Variants in DGKG observed in about 807,000 individuals in gnomAD.
DGKG encodes DAG kinase gamma.
Under a neutral mutation model 105.3 loss-of-function variants are expected in DGKG, and 78 were observed. That is an observed-to-expected ratio of 0.74 (90% confidence interval 0.62 to 0.89). The LOEUF is 0.89. DGKG is among the 40% of genes least tolerant of loss of function. The pLI is 0.00. For missense variants in DGKG, 958 were observed against 1,020.1 expected, an observed-to-expected ratio of 0.94 and a Z score of 0.83; for synonymous variants, 346 against 367.1, an observed-to-expected ratio of 0.94 and a Z score of 0.66.
Position 186,148,101 on chromosome 3 carries a change from G to C in DGKG, c.*1989C>G. 1.0e-6 allele frequency: 1 copy of C among 985,428 alleles called. No homozygotes were observed. Among genetic ancestry groups the C allele is most frequent in the Non-Finnish European group, 1.2e-6 (1 of 829,944 alleles). 61.0% of individuals were successfully genotyped at this position (985,428 alleles called of 1,614,324 possible). A position where few individuals can be genotyped will look rare whatever the true frequency, so the allele number is the denominator to read the frequency against. On this transcript the variant is annotated 3_prime_UTR_variant, in exon 25 of 25. Transcript: ENST00000265022. ...AGGCAGCTCAGTGGAACGATATCAA[G>C]TGGGTCCAAGTTTCCACTGATAAAT...
intron 13 of DGKG, among the ~76,000 whole-genome samples, chr3:186,267,140 G>A (rs551100563): frequency 9.2e-5 from 14 of 152,170 alleles, no homozygotes; most frequent in Non-Finnish European, 1.6e-4. Flanking sequence ...AGGAAGTAGA[G>A]GGAGATACTG....
At chr3:186,198,781 A>G (rs1230792467) in intron 21 of DGKG, among the ~76,000 whole-genome samples, 1 of 152,258 alleles carries the variant, frequency 6.6e-6, no homozygotes, top group Non-Finnish European at 1.5e-5. Flanking sequence ...GCCTATGGCC[A>G]TAATAGAGAA....
intron 9 of DGKG, among the ~76,000 whole-genome samples, chr3:186,278,500 A>G (rs781469003): frequency 3.9e-5 from 6 of 152,054 alleles, no homozygotes; most frequent in Non-Finnish European, 8.8e-5. Flanking sequence ...AAGTTCCTTC[A>G]TTTCTCTGGG....
At chr3:186,276,800 G>T (rs1342014507) in intron 9 of DGKG, among the ~76,000 whole-genome samples, 1 of 152,200 alleles carries the variant, frequency 6.6e-6, no homozygotes, top group Non-Finnish European at 1.5e-5. Flanking sequence ...TTCATGATCA[G>T]TAAAAGCTAC....
intron 3 of DGKG, among the ~76,000 whole-genome samples, chr3:186,300,723 A>T (rs1723880066): frequency 6.6e-6 from 1 of 152,264 alleles, no homozygotes; most frequent in South Asian, 2.1e-4. Flanking sequence ...ATATTTCTGG[A>T]AAGCAGACTG....
At chr3:186,153,957 T>C (rs1715899894) in intron 24 of DGKG, among the ~76,000 whole-genome samples, 1 of 151,936 alleles carries the variant, frequency 6.6e-6, no homozygotes, top group Non-Finnish European at 1.5e-5. Context: ...ATACAAAAAT[T>C]AGCTAGACGT....
intron 20 of DGKG, among the ~76,000 whole-genome samples, chr3:186,238,783 T>C (rs1720540382): frequency 6.6e-6 from 1 of 152,178 alleles, no homozygotes; most frequent in South Asian, 2.1e-4. Flanking sequence ...TCGGTTCTGG[T>C]TCTTGCTCCA....
intron 20 of DGKG, among the ~76,000 whole-genome samples, chr3:186,228,321 C>G (rs534352966): frequency 3.3e-5 from 5 of 152,290 alleles, no homozygotes; most frequent in Middle Eastern, 3.4e-3. Context: ...TGGGGATTGC[C>G]TCTTTTCTGG....
intron 11 of DGKG, among the ~76,000 whole-genome samples, chr3:186,270,477 TC>T (rs1432784419): frequency 6.6e-6 from 1 of 152,226 alleles, no homozygotes; most frequent in Admixed American, 6.5e-5. Flanking sequence ...GCTTAAGGCC[TC>T]CCCTAAGAAT....
At chr3:186,287,564 T>C (rs1270567832) in intron 6 of DGKG, among the ~76,000 whole-genome samples, 1 of 152,254 alleles carries the variant, frequency 6.6e-6, no homozygotes, top group East Asian at 1.9e-4. Context: ...TAAAAAAATC[T>C]GTCACCTTCT....
intron 21 of DGKG, among the ~76,000 whole-genome samples, chr3:186,205,158 G>C (rs796819292): frequency 2.0e-4 from 30 of 151,662 alleles, no homozygotes; most frequent in African/African-American, 5.8e-4. Flanking sequence ...TTGGGAGACT[G>C]AGGCGGGAGA....
chr3:186,275,680 G>T lies in DGKG; in HGVS notation c.793-16C>A. 1 of 1,602,684 alleles carries T rather than the reference G, an allele frequency of 6.2e-7. No homozygotes were observed. The highest frequency in any genetic ancestry group is 8.5e-7 in the Non-Finnish European group (1 of 1,171,520). ...CCTTGGAGCCCTGCAGGGGTAATAG[G>T]AGGTGAGACCCCAAGCTGGCTGCCC... On this transcript the variant is annotated splice_polypyrimidine_tract_variant and intron_variant, in intron 9 of 24. Coordinates refer to ENST00000265022, the MANE Select transcript of DGKG (RefSeq NM_001346.3).
At chr3:186,217,606 T>C (rs760986277) in intron 20 of DGKG, among the ~76,000 whole-genome samples, 16 of 152,202 alleles carry the variant, frequency 1.1e-4, no homozygotes, top group Non-Finnish European at 1.9e-4. Flanking sequence ...TGAGACTAAC[T>C]AAAAATGTTC....
chr3:186,165,073 A>G lies in DGKG; in HGVS notation c.2096-55T>C, dbSNP rs6794774. The G allele has an allele frequency of 0.02, 31,733 of 1,556,450 alleles. 2,185 individuals carry two copies. In the African/African-American group the frequency reaches 0.23, roughly 11 times the overall value. On this transcript the variant is annotated intron_variant, in intron 22 of 24. Coordinates refer to ENST00000265022, the MANE Select transcript of DGKG (RefSeq NM_001346.3). ...TACACATCTCTGTGTTCCTCAGACA[A>G]GTTCTGGCCAGAAAGTCTGGTCCCC...
At chr3:186,184,639 A>G (rs866080886) in intron 22 of DGKG, among the ~76,000 whole-genome samples, 7 of 152,118 alleles carry the variant, frequency 4.6e-5, no homozygotes, top group Non-Finnish European at 8.8e-5. Context: ...ACCTCAAGTG[A>G]TTCGCCTGCC....
chr3:186,261,928 G>C, intron 14 of DGKG, 150 bp from the exon 15 acceptor site: 1 of 576,736 alleles, frequency 1.7e-6, no homozygotes, highest in Non-Finnish European at 3.1e-6. Context: ...TTTTCGGAGG[G>C]GCTAAGTAGC....
chr3:186,260,105 C>G (rs1721690196), intron 16 of DGKG, among the ~76,000 whole-genome samples: 1 of 152,216 alleles, frequency 6.6e-6, no homozygotes, highest in Admixed American at 6.5e-5. Flanking sequence ...AAGACACCAG[C>G]TAACAGAGCC....
rs746282912 is a variant in DGKG, at chr3:186,275,575, G to A, written c.882C>T (p.Gly294=). ...TGCAGCACAGGCCTTGCTTGCGGAC[G>A]CCCATGAGCATGATATGGCAGAAGT... ...YCNFCHIMLM[G]VRKQGLCCTY... Residue 294 remains glycine, a synonymous_variant, in exon 10 of 25, where the codon GGC becomes GGT. Coordinates refer to ENST00000265022, the MANE Select transcript of DGKG (RefSeq NM_001346.3). The A allele has an allele frequency of 7.4e-6, 12 of 1,614,056 alleles. No homozygotes were observed. In the Admixed American group the frequency reaches 8.3e-5, roughly 11 times the overall value.
Position 186,211,832 on chromosome 3 carries a change from G to C in DGKG, c.1880C>G (p.Ala627Gly). The C allele has an allele frequency of 6.2e-7, 1 of 1,614,116 alleles. No homozygotes were observed. The change falls in exon 21 of 25, where the codon GCG (alanine) becomes GGG (glycine). Residue 627 changes from alanine (A) to glycine (G), a missense_variant. Transcript: ENST00000265022. The stretch of plus-strand genomic sequence containing the variant: ...GTGGTCGTGGAGTTTCTTGCAGGTC[G>C]CTGCAAAAGTCTCCGAGGTGCCAAA... ...FEFGTSETFA[A>G]TCKKLHDHIE...
Sources: gnomAD v4.1 joint callset for allele counts (sites outside exome capture counted in the v4.1 genomes callset) on GRCh38, gnomAD v4.1.1 for gene constraint, MANE v1.5 for transcripts, NCBI Gene and HGNC (gene_info 2026-07-23, HGNC 2026-07-21) for gene names.